GON4L: variants seen among roughly 807,000 people sequenced by gnomAD.
The protein encoded by GON4L is gon-4 like, also known as GON-4-like protein.
In GON4L, 87 loss-of-function variants were observed where a neutral mutation model predicts 211.8. That is an observed-to-expected ratio of 0.41 (90% confidence interval 0.35 to 0.49). The LOEUF is 0.49. GON4L is among the 20% of genes least tolerant of loss of function. The probability of loss-of-function intolerance (pLI) is 0.15; values close to 1 mark genes in which losing one functional copy is unlikely to be tolerated. For synonymous variants in GON4L, 875 were observed against 962.6 expected (o/e 0.91, Z 1.68); for missense variants, 2,155 against 2,659.5 (o/e 0.81, Z 4.17).
chr1:155,754,520 AGTTG>A, intron 27 of GON4L, 32 bp from the exon 28 acceptor site: 3 of 783,544 alleles, frequency 3.8e-6, no homozygotes, highest in African/African-American at 1.9e-5. Context: ...TTAGCTGCCA[AGTTG>A]TTTTTTTTTT....
chr1:155,836,879 T>C (rs1670363832), intron 2 of GON4L, among the ~76,000 whole-genome samples: 1 of 152,212 alleles, frequency 6.6e-6, no homozygotes, highest in Admixed American at 6.5e-5. Flanking sequence ...TTCTATTCCA[T>C]GTAAGGCAGG....
intron 2 of GON4L, among the ~76,000 whole-genome samples, chr1:155,834,155 T>C (rs1188643404): frequency 1.3e-5 from 2 of 152,116 alleles, no homozygotes; most frequent in Non-Finnish European, 2.9e-5. Context: ...CTTCATATAA[T>C]GTCCTTTCCC....
At chr1:155,807,546 T>C (rs993972877) in intron 10 of GON4L, among the ~76,000 whole-genome samples, 12 of 150,140 alleles carry the variant, frequency 8.0e-5, no homozygotes, top group Admixed American at 2.0e-4. Flanking sequence ...CTATAAAAAA[T>C]ACAAAAAATT....
At chr1:155,759,853 C>T (rs1661587126) in intron 24 of GON4L, among the ~76,000 whole-genome samples, 1 of 151,126 alleles carries the variant, frequency 6.6e-6, no homozygotes. Flanking sequence ...ATAAAACCAC[C>T]CCTCTAGTTT....
At chr1:155,823,342 G>C (rs1364145249) in intron 3 of GON4L, among the ~76,000 whole-genome samples, 1 of 152,120 alleles carries the variant, frequency 6.6e-6, no homozygotes, top group African/African-American at 2.4e-5. Context: ...GATCTTAATA[G>C]AGATAGGAAA....
At chr1:155,756,928 C>CA (rs777940388) in intron 27 of GON4L, 30 bp downstream of exon 27, 18 of 1,574,626 alleles carry the variant, frequency 1.1e-5, no homozygotes, top group Non-Finnish European at 1.6e-5. Context: ...GATTCTGTCT[C>CA]AAAAACAAAC....
chr1:155,787,799 C>A (rs1268069405), intron 12 of GON4L, among the ~76,000 whole-genome samples: 2 of 151,048 alleles, frequency 1.3e-5, no homozygotes, highest in East Asian at 3.9e-4. Context: ...AATAAATTAG[C>A]CAGTCATGGT....
intron 2 of GON4L, among the ~76,000 whole-genome samples, chr1:155,847,980 CCTTATATGGTTTAAAAT>C (rs1422196840): frequency 6.6e-6 from 1 of 152,146 alleles, no homozygotes; most frequent in Non-Finnish European, 1.5e-5. Context: ...CTAGAAGTTA[CCTTATATGGTTTAAAAT>C]GGGAGGATCT....
downstream of GON4L, chr1:155,746,146 G>A (rs1408363318): frequency 5.8e-6 from 5 of 855,242 alleles, no homozygotes; most frequent in Non-Finnish European, 8.7e-6. Context: ...GAAGGGTGAG[G>A]TGGTGGCAGA....
At chr1:155,848,332 C>T (rs1453782997) in intron 2 of GON4L, among the ~76,000 whole-genome samples, 2 of 152,192 alleles carry the variant, frequency 1.3e-5, no homozygotes, top group Non-Finnish European at 2.9e-5. Flanking sequence ...ATCACCATCC[C>T]CTACCCCAGA....
At position 155,853,401 on chromosome 1, in the gene GON4L, C is replaced by A; in HGVS notation, c.380G>T (p.Gly127Val). Reference protein sequence around the residue: ...HIGKGKLHATGSKRGKKMTLR... With the variant: ...HIGKGKLHATVSKRGKKMTLR... ...TGTCATTTTTTTCCCTCTCTTTGAG[C>A]CAGTAGCGTGGAGTTTTCCTTTACC... Residue 127 changes from glycine to valine, a missense_variant, in exon 2 of 32, where the codon GGC (glycine) becomes GTC (valine). Physicochemically the swap from Gly to Val is moderately radical, Grantham distance 109 (BLOSUM62 -3). Around this residue, in one of 6 missense-constraint regions of GON4L, gnomAD observed 313 missense variants for 293.2 expected, o/e 1.07. Transcript: ENST00000368331. 1 of 1,614,106 alleles carries A rather than the reference C, an allele frequency of 6.2e-7. No homozygotes were observed. The highest frequency in any genetic ancestry group is 2.2e-5 in the East Asian group (1 of 44,878).
intron 10 of GON4L, among the ~76,000 whole-genome samples, chr1:155,811,754 C>CAAAAAAAAAAAAAAAAAAAAAAAAAAAAA (rs145360103): frequency 3.0e-5 from 1 of 33,048 alleles, no homozygotes; most frequent in African/African-American, 1.5e-4. Context: ...GACTCTGTCT[C>CAAAAAAAAAAAAAAAAAAAAAAAAAAAAA]AAAAAAAAAA....
At chr1:155,792,107 T>C (rs1029197300) in intron 12 of GON4L, among the ~76,000 whole-genome samples, 1 of 152,126 alleles carries the variant, frequency 6.6e-6, no homozygotes, top group African/African-American at 2.4e-5. Context: ...TGCAGAATTG[T>C]TGAGCTCCCT....
upstream of GON4L, among the ~76,000 whole-genome samples, chr1:155,858,851 G>A (rs1672477019): frequency 6.6e-6 from 1 of 151,498 alleles, no homozygotes; most frequent in African/African-American, 2.4e-5. Flanking sequence ...GTGCCACCAC[G>A]CCCGGCTAAT....
At chr1:155,778,797 C>T (rs1664096920) in intron 14 of GON4L, among the ~76,000 whole-genome samples, 1 of 152,136 alleles carries the variant, frequency 6.6e-6, no homozygotes, top group African/African-American at 2.4e-5. Flanking sequence ...TAAGTGAGAA[C>T]ATGCAGTGTT....
intron 2 of GON4L, among the ~76,000 whole-genome samples, chr1:155,841,760 G>C (rs562933411): frequency 6.6e-6 from 1 of 152,352 alleles, no homozygotes; most frequent in East Asian, 1.9e-4. Context: ...GGATGCAGTG[G>C]CTCACACCTG....
In GON4L at chr1:155,752,483, G is replaced by T; in HGVS notation, c.5950C>A (p.Pro1984Thr). Residue 1984 changes from proline (P) to threonine (T), a missense_variant, in exon 30 of 32, where the codon CCC becomes ACC. Physicochemically the swap from Pro to Thr is conservative, Grantham distance 38. Coordinates refer to ENST00000368331, the MANE Select transcript of GON4L (RefSeq NM_001282860.2). ...TACAGTACAGCTCCAGTTGTGGGGG[G>T]AAATTGAGGAGTCTCTGGTGAATGA... ...PPHSPETPQF[P>T]PTTGAVLYTV... is the part of the protein sequence containing the mutation. The T allele has an allele frequency of 6.3e-7, 1 of 1,580,630 alleles. No individual in the cohort carries two copies. The highest frequency in any genetic ancestry group is 8.6e-7 in the Non-Finnish European group (1 of 1,163,800).
Position 155,804,961 on chromosome 1 carries a change from C to T in GON4L, c.1633G>A (p.Val545Met), listed in dbSNP as rs1162814457. 3.7e-6 allele frequency: 6 copies of T among 1,613,064 alleles called. No individual in the cohort carries two copies. The highest frequency in any genetic ancestry group is 2.2e-5 in the East Asian group (1 of 44,886). Residue 545 changes from valine (V) to methionine (M), a missense_variant, in exon 11 of 32, where the codon GTG (valine) becomes ATG (methionine). Around this residue, in one of 6 missense-constraint regions of GON4L, gnomAD observed 551 missense variants for 854.0 expected, o/e 0.65. Transcript: ENST00000368331. The stretch of plus-strand genomic sequence containing the variant: ...AACCAAAACTTACCTTCATTCCCCA[C>T]ATCATCATTCATAAGTCCCCCCAGC... ...MWLGGLMNDD[V>M]GNEDEADDDD...
chr1:155,771,929 C>T (rs1026395805), intron 18 of GON4L, among the ~76,000 whole-genome samples: 1 of 152,010 alleles, frequency 6.6e-6, no homozygotes, highest in Admixed American at 6.6e-5. Context: ...TTTGGGATGC[C>T]GAAGCAGGCA....
Sources: allele counts gnomAD v4.1 joint callset (sites outside exome capture counted in the v4.1 genomes callset), GRCh38; gene constraint gnomAD v4.1.1; regional missense constraint gnomAD v4.1.1; transcripts MANE v1.5; gene names NCBI Gene and HGNC (gene_info 2026-07-23, HGNC 2026-07-21).